SECISBP2L: variants seen among roughly 807,000 people sequenced by gnomAD.
SECISBP2L encodes selenocysteine insertion sequence-binding protein 2-like.
SECISBP2L carries 43 observed loss-of-function variants against 114.7 expected under a neutral mutation model. That is an observed-to-expected ratio of 0.38 (90% CI 0.29 to 0.48). The LOEUF is 0.48. Among genes scored for constraint, SECISBP2L ranks in the 20% least tolerant of loss-of-function variants. The probability of loss-of-function intolerance (pLI) is 0.98; values close to 1 mark genes in which losing one functional copy is unlikely to be tolerated. For synonymous variants in SECISBP2L, 451 were observed against 439.7 expected, an observed-to-expected ratio of 1.03 and a Z score of -0.32; for missense variants, 1,136 against 1,301.1, an observed-to-expected ratio of 0.87 and a Z score of 1.95.
chr15:49,040,226 T>C (rs17471606), intron 1 of SECISBP2L, among the ~76,000 whole-genome samples: 4,341 of 152,322 alleles, frequency 0.028, 90 homozygotes, highest in Non-Finnish European at 0.043. Flanking sequence ...TTAAAGTTTG[T>C]ATTGGTTTCT....
chr15:49,009,582 G>T (rs945732307), intron 13 of SECISBP2L, among the ~76,000 whole-genome samples: 12 of 152,066 alleles, frequency 7.9e-5, no homozygotes, highest in Non-Finnish European at 1.6e-4. Context: ...GTCTGTTGAA[G>T]TATATTCTTA....
chr15:49,031,061 C>CTTTTT (rs1566861328), intron 4 of SECISBP2L, among the ~76,000 whole-genome samples: 9 of 77,040 alleles, frequency 1.2e-4, no homozygotes, highest in East Asian at 4.4e-4. Context: ...TTTTTTTTTT[C>CTTTTT]CCTTTTGAGA....
At position 48,988,899 on chromosome 15, in the gene SECISBP2L, T is replaced by A. The variant is rs1376969115; in HGVS notation, c.*3345A>T. 5.7e-6 allele frequency: 1 copy of A among 175,746 alleles called. No individual in the cohort carries two copies. The highest frequency in any genetic ancestry group is 1.5e-4 in the East Asian group (1 of 6,526). 10.9% of individuals were successfully genotyped at this position (175,746 alleles called of 1,614,324 possible). A position where few individuals can be genotyped will look rare whatever the true frequency, so the allele number is the denominator to read the frequency against. On this transcript the variant is annotated 3_prime_UTR_variant, in exon 18 of 18. Coordinates refer to ENST00000559471, the MANE Select transcript of SECISBP2L (RefSeq NM_001193489.2). ...TAATACAAATACTTTCAAGGTGTGA[T>A]GTGCCAACAAAATTTAAATTTTTCT... is the stretch of plus-strand genomic sequence containing the variant.
chr15:49,030,037 CAA>C (rs984856350), intron 4 of SECISBP2L, among the ~76,000 whole-genome samples: 5 of 103,478 alleles, frequency 4.8e-5, no homozygotes, highest in African/African-American at 1.8e-4. Flanking sequence ...ATAACTGTAC[CAA>C]GACAGTCCAA....
chr15:49,039,931 G>A (rs1297894202), intron 1 of SECISBP2L, among the ~76,000 whole-genome samples: 3 of 151,990 alleles, frequency 2.0e-5, no homozygotes, highest in Non-Finnish European at 2.9e-5. Flanking sequence ...CAAGGTATAT[G>A]GGTACATCAA....
intron 4 of SECISBP2L, among the ~76,000 whole-genome samples, chr15:49,032,244 C>G (rs993945572): frequency 4.6e-5 from 7 of 152,256 alleles, no homozygotes; most frequent in African/African-American, 1.7e-4. Flanking sequence ...CCTTGGATCA[C>G]AAACAAAGAT....
Position 49,019,311 on chromosome 15 carries a change from A to G in SECISBP2L, c.1170+107T>C, listed in dbSNP as rs892932908. The stretch of plus-strand genomic sequence containing the variant: ...TAATTTATAATTTAATACTAGAATC[A>G]CATGTTAAGACATAAAAAGTACTCA... On this transcript the variant is annotated intron_variant, in intron 8 of 17. Transcript: ENST00000559471. 9.3e-6 allele frequency: 8 copies of G among 861,604 alleles called. No individual in the cohort carries two copies. In the African/African-American group the frequency reaches 1.4e-4, roughly 15 times the overall value. The allele number at this position is 861,604 out of a possible 1,614,324, so 53.4% of individuals were successfully genotyped here.
intron 7 of SECISBP2L, among the ~76,000 whole-genome samples, chr15:49,026,837 T>C (rs902925323): frequency 6.6e-6 from 1 of 152,236 alleles, no homozygotes; most frequent in African/African-American, 2.4e-5. Context: ...AGCAGGAAGA[T>C]ACAGTTATGG....
At chr15:49,015,846 G>T (rs1902524925) in intron 11 of SECISBP2L, among the ~76,000 whole-genome samples, 1 of 152,148 alleles carries the variant, frequency 6.6e-6, no homozygotes, top group East Asian at 1.9e-4. Context: ...AAATTTGGGT[G>T]AGTCAAAATG....
At chr15:49,010,739 T>C (rs1902421190) in intron 13 of SECISBP2L, among the ~76,000 whole-genome samples, 1 of 152,204 alleles carries the variant, frequency 6.6e-6, no homozygotes. Flanking sequence ...CTCAAACTCC[T>C]GAGCTCAAGT....
intron 9 of SECISBP2L, 120 bp from the exon 10 acceptor site, chr15:49,017,135 A>C: frequency 1.0e-6 from 1 of 954,290 alleles, no homozygotes; most frequent in Non-Finnish European, 1.5e-6. Flanking sequence ...CAAAGAATTC[A>C]ATGTCATAAA....
At chr15:49,020,214 T>C (rs1902614611) in intron 7 of SECISBP2L, among the ~76,000 whole-genome samples, 1 of 152,122 alleles carries the variant, frequency 6.6e-6, no homozygotes, top group Non-Finnish European at 1.5e-5. Context: ...ATTACTTGCT[T>C]ATTTTTTTTA....
At chr15:49,019,247 T>C (rs1054151214) in intron 8 of SECISBP2L, among the ~76,000 whole-genome samples, 171 bp downstream of exon 8, 2 of 152,184 alleles carry the variant, frequency 1.3e-5, no homozygotes, top group Non-Finnish European at 2.9e-5. Flanking sequence ...TTAGATTAAA[T>C]ATATATAACC....
chr15:48,999,707 A>G, intron 16 of SECISBP2L, 126 bp downstream of exon 16: 1 of 1,025,594 alleles, frequency 9.8e-7, no homozygotes. Context: ...ATTTCCATTT[A>G]TTCTTTCAGG....
intron 15 of SECISBP2L, among the ~76,000 whole-genome samples, chr15:49,000,465 A>G (rs1017987445): frequency 1.3e-5 from 2 of 152,206 alleles, no homozygotes; most frequent in Non-Finnish European, 2.9e-5. Context: ...AAAAGGACAA[A>G]TAAGGATGCA....
At chr15:49,027,776 C>T (rs1420913160) in intron 6 of SECISBP2L, among the ~76,000 whole-genome samples, 1 of 151,838 alleles carries the variant, frequency 6.6e-6, no homozygotes, top group African/African-American at 2.4e-5. Context: ...GTCCAGTTAA[C>T]TTTTTTGTAT....
intron 13 of SECISBP2L, among the ~76,000 whole-genome samples, chr15:49,010,878 A>G (rs1044313328): frequency 6.6e-6 from 1 of 152,180 alleles, no homozygotes; most frequent in Non-Finnish European, 1.5e-5. Context: ...TCTACTATAT[A>G]TCTTTATTAC....
At chr15:49,013,441 C>T (rs1291874906) in intron 11 of SECISBP2L, among the ~76,000 whole-genome samples, 2 of 152,142 alleles carry the variant, frequency 1.3e-5, no homozygotes, top group African/African-American at 4.8e-5. Flanking sequence ...GGATTACAGG[C>T]ACGTGCCACC....
chr15:49,001,718 T>G (rs1902213914), intron 14 of SECISBP2L: 1 of 152,280 alleles, frequency 6.6e-6, no homozygotes. Flanking sequence ...CAGTGTTTGG[T>G]TTTCTGTTCC....
Sources: gnomAD v4.1 joint callset for allele counts (sites outside exome capture counted in the v4.1 genomes callset) on GRCh38, gnomAD v4.1.1 for gene constraint, MANE v1.5 for transcripts, NCBI Gene and HGNC (gene_info 2026-07-23, HGNC 2026-07-21) for gene names.